The following SLC26A6 variants were observed in gnomAD, a reference collection of about 807,000 sequenced individuals.
The protein encoded by SLC26A6 is anion exchange transporter.
A neutral mutation model predicts 87.1 loss-of-function variants in SLC26A6; 67 were observed. That is an observed-to-expected ratio of 0.77 (90% CI 0.63 to 0.94). The LOEUF is 0.94. Among genes scored for constraint, SLC26A6 ranks in the 40% least tolerant of loss-of-function variants. The probability of loss-of-function intolerance (pLI) is 0.00; values close to 1 mark genes in which losing one functional copy is unlikely to be tolerated. For synonymous variants in SLC26A6, 414 were observed against 405.9 expected (o/e 1.02, Z -0.24); for missense variants, 902 against 973.0 (o/e 0.93, Z 0.97).
intron 18 of SLC26A6, 76 bp from the exon 19 acceptor site, chr3:48,626,761 G>A: frequency 6.2e-7 from 1 of 1,609,240 alleles, no homozygotes; most frequent in Non-Finnish European, 8.5e-7. Context: ...CTTGGGGAGG[G>A]AGTTTAGAAG....
At chr3:48,632,108 G>A in intron 5 of SLC26A6, 64 bp from the exon 6 acceptor site, 1 of 1,600,476 alleles carries the variant, frequency 6.2e-7, no homozygotes, top group Non-Finnish European at 8.5e-7. Context: ...GAGGAGCGCA[G>A]GGCAAGTGGG....
intron 7 of SLC26A6, 94 bp downstream of exon 7, chr3:48,631,555 C>T: frequency 6.7e-7 from 1 of 1,499,316 alleles, no homozygotes; most frequent in Non-Finnish European, 9.0e-7. Flanking sequence ...CAGCCCCCCT[C>T]CAGCTGGCCC....
Position 48,625,770 on chromosome 3 carries a change from C to T in SLC26A6, c.*216G>A, listed in dbSNP as rs1575521148. ...CTGAGGCTAAAATATGCACCAGTTC[C>T]CTCCCTGTACCGCGCCACTGCCAGC... On this transcript the variant is annotated 3_prime_UTR_variant, in exon 21 of 21. Coordinates refer to ENST00000395550, the MANE Select transcript of SLC26A6 (RefSeq NM_022911.3). This position sits in a 1 kb window ranked among gnomAD's most constrained non-coding sequence, Gnocchi z 4.7. 1 of 621,258 alleles carries T rather than the reference C, an allele frequency of 1.6e-6. No individual in the cohort carries two copies. Among genetic ancestry groups the T allele is most frequent in the Admixed American group, 2.7e-5 (1 of 36,884 alleles). 38.5% of individuals were successfully genotyped at this position (621,258 alleles called of 1,614,324 possible). A position where few individuals can be genotyped will look rare whatever the true frequency, so the allele number is the denominator to read the frequency against.
In SLC26A6 at chr3:48,631,671, G is replaced by A. The variant is rs773427978; in HGVS notation, c.881C>T (p.Pro294Leu). 58 of 1,613,198 alleles carry A rather than the reference G, an allele frequency of 3.6e-5. No individual in the cohort carries two copies. Among genetic ancestry groups the A allele is most frequent in the Non-Finnish European group, 4.2e-5 (50 of 1,179,978 alleles). Residue 294 changes from proline (P) to leucine (L), a missense_variant, in exon 7 of 21, where the codon CCG (proline) becomes CTG (leucine). This residue lies in a region of SLC26A6 where 800 missense variants were observed against 856.8 expected (regional missense o/e 0.93). Transcript: ENST00000395550. The stretch of plus-strand genomic sequence containing the variant: ...AACCGTGAGCAGCTCCCCGGGTATC[G>A]GCATGGGCAGCTGCTGCTGCAGCTT... ...NDKLQQQLPM[P>L]IPGELLTLIG...
chr3:48,634,842 C>G (rs2046909349), intron 1 of SLC26A6: 13 of 775,198 alleles, frequency 1.7e-5, no homozygotes, highest in Non-Finnish European at 2.0e-5. Context: ...AGAGCCCCCT[C>G]TCCTTTCCTA....
At position 48,626,011 on chromosome 3, in the gene SLC26A6, AGAGGAGGG is replaced by A. The variant is rs2046609816; in HGVS notation, c.2266-19_2266-12del. 6.2e-7 allele frequency: 1 copy of A among 1,613,704 alleles called. No individual in the cohort carries two copies. Among genetic ancestry groups the A allele is most frequent in the South Asian group, 1.1e-5 (1 of 91,050 alleles). ...TCAGAGTCTGGTGACCTGAGCAGGC[AGAGGAGGG>A]GAGGCTCTAGTCAGTTTCCAAAGGA... On this transcript the variant is annotated splice_polypyrimidine_tract_variant and intron_variant, in intron 20 of 20. Transcript: ENST00000395550.
In SLC26A6 at chr3:48,628,808, T is replaced by C; in HGVS notation, c.1600-94A>G. On this transcript the variant is annotated intron_variant, in intron 14 of 20. Coordinates refer to ENST00000395550, the MANE Select transcript of SLC26A6 (RefSeq NM_022911.3). This position sits in a 1 kb window ranked among gnomAD's most constrained non-coding sequence, Gnocchi z 4.4. ...TTCCTTCCCTAGTGTGCCCAGTGCCTGCCACCGCCCAGCCCTCTGCTCCCC... is the reference window on the plus strand; with the variant it reads ...TTCCTTCCCTAGTGTGCCCAGTGCCCGCCACCGCCCAGCCCTCTGCTCCCC... 7.1e-7 allele frequency: 1 copy of C among 1,417,358 alleles called. No individual in the cohort carries two copies. The highest frequency in any genetic ancestry group is 9.7e-7 in the Non-Finnish European group (1 of 1,028,130). 87.8% of individuals were successfully genotyped at this position (1,417,358 alleles called of 1,614,324 possible). A position where few individuals can be genotyped will look rare whatever the true frequency, so the allele number is the denominator to read the frequency against.
chr3:48,626,940 C>CCAGGG lies in SLC26A6; in HGVS notation c.2008_2009insCCCTG (p.Ser670ThrfsTer22). The CCAGGG allele has an allele frequency of 6.2e-7, 1 of 1,614,184 alleles. No individual in the cohort carries two copies. The highest frequency in any genetic ancestry group is 8.5e-7 in the Non-Finnish European group (1 of 1,180,032). On this transcript the variant is annotated frameshift_variant, in exon 18 of 21. Transcript: ENST00000395550. LOFTEE classifies it high-confidence loss of function. ...GAGGGCACCCAGGTCCAGGATGAGG[C>CCAGGG]TGTGGAAGTCTGGCTGAGGCAGGCC...
chr3:48,631,856 C>T (rs780269668), intron 6 of SLC26A6, 24 bp downstream of exon 6: 2 of 1,613,274 alleles, frequency 1.2e-6, no homozygotes, highest in South Asian at 1.1e-5. Flanking sequence ...ACACCTACCC[C>T]TCCCTCCCCC....
Position 48,634,452 on chromosome 3 carries a change from C to A in SLC26A6, c.24-817G>T, listed in dbSNP as rs187448535. 10 of 152,384 alleles carry A rather than the reference C, an allele frequency of 6.6e-5. No individual in the cohort carries two copies. The East Asian group carries it at 1.9e-3, about 29-fold the overall frequency. 9.4% of individuals were successfully genotyped at this position (152,384 alleles called of 1,614,324 possible). On this transcript the variant is annotated intron_variant, in intron 1 of 20. Coordinates refer to ENST00000395550, the MANE Select transcript of SLC26A6 (RefSeq NM_022911.3). ...GGAATCTTCCCTCTGCCCAGAGGCACCTACTTGAAGTCAGAGAAAGATCTC... is the reference window on the plus strand; with the variant it reads ...GGAATCTTCCCTCTGCCCAGAGGCAACTACTTGAAGTCAGAGAAAGATCTC...
Position 48,626,617 on chromosome 3 carries a change from C to T in SLC26A6, c.2128+14G>A, listed in dbSNP as rs763801521. 1.9e-6 allele frequency: 3 copies of T among 1,614,044 alleles called. No homozygotes were observed. The highest frequency in any genetic ancestry group is 1.1e-5 in the South Asian group (1 of 91,076). ...CTCTTCCCAGGTCCCTCCTGCTGTT[C>T]CCACCCTACTCACTGTGGCAGGCCG... On this transcript the variant is annotated intron_variant, in intron 19 of 20. Transcript: ENST00000395550.
rs1284777884 is a variant in SLC26A6, at chr3:48,630,827, C to G, written c.1135-107G>C. 12 of 1,497,260 alleles carry G rather than the reference C, an allele frequency of 8.0e-6. No homozygotes were observed. The East Asian group carries it at 2.5e-4, about 31-fold the overall frequency. 92.7% of individuals were successfully genotyped at this position (1,497,260 alleles called of 1,614,324 possible). On this transcript the variant is annotated intron_variant, in intron 9 of 20. Coordinates refer to ENST00000395550, the MANE Select transcript of SLC26A6 (RefSeq NM_022911.3). ...CCAATCTCCATCCCCACCAAGTGGCCCCCAGAGACTGGATGCTGTCCCACA... is the reference window on the plus strand; with the variant it reads ...CCAATCTCCATCCCCACCAAGTGGCGCCCAGAGACTGGATGCTGTCCCACA...
At chr3:48,629,215 T>C (rs2046710883) in intron 14 of SLC26A6, among the ~76,000 whole-genome samples, 1 of 150,546 alleles carries the variant, frequency 6.6e-6, no homozygotes, top group Non-Finnish European at 1.5e-5. Flanking sequence ...AACAGCCTTG[T>C]TTTATTCCAG....
chr3:48,634,613 G>T (rs2046902988), intron 1 of SLC26A6: 3 of 621,570 alleles, frequency 4.8e-6, no homozygotes, highest in Admixed American at 1.3e-4. Context: ...CTCACAGAAG[G>T]ATCTTACCTG....
intron 9 of SLC26A6, 94 bp from the exon 10 acceptor site, chr3:48,630,814 C>A: frequency 1.3e-6 from 2 of 1,500,510 alleles, no homozygotes; most frequent in African/African-American, 1.4e-5. Flanking sequence ...AATCTCCATC[C>A]CCACCAAGTG....
At chr3:48,626,607 T>C in intron 19 of SLC26A6, 24 bp downstream of exon 19, 1 of 1,614,106 alleles carries the variant, frequency 6.2e-7, no homozygotes, top group South Asian at 1.1e-5. Context: ...CCCAGGTCCC[T>C]CCTGCTGTTC....
At chr3:48,631,179 C>A in intron 8 of SLC26A6, 39 bp from the exon 9 acceptor site, 1 of 1,612,880 alleles carries the variant, frequency 6.2e-7, no homozygotes, top group African/African-American at 1.3e-5. Flanking sequence ...AAGGTCCTGT[C>A]CTGGCTGCCC....
intron 11 of SLC26A6, 119 bp downstream of exon 11, chr3:48,630,319 T>TCTCA: frequency 7.5e-7 from 1 of 1,329,494 alleles, no homozygotes; most frequent in Non-Finnish European, 1.0e-6. Flanking sequence ...ACCTTGAAGA[T>TCTCA]CTCAGCCTTG....
intron 14 of SLC26A6, 27 bp downstream of exon 14, chr3:48,629,615 C>T (rs752023264): frequency 6.3e-7 from 1 of 1,586,778 alleles, no homozygotes. Context: ...CCCATCCACA[C>T]CATCTCACTC....
Sources: allele counts gnomAD v4.1 joint callset (sites outside exome capture counted in the v4.1 genomes callset), GRCh38; gene constraint gnomAD v4.1.1; regional missense constraint gnomAD v4.1.1; non-coding constraint Gnocchi (gnomAD v3.1); transcripts MANE v1.5; gene names NCBI Gene and HGNC (gene_info 2026-07-23, HGNC 2026-07-21).